Variants in DLC1 observed in about 807,000 individuals in gnomAD.
DLC1 encodes DLC1 Rho GTPase activating protein.
Under a neutral mutation model 140.3 loss-of-function variants are expected in DLC1, and 54 were observed. That is an observed-to-expected ratio of 0.38 (90% CI 0.31 to 0.48). The LOEUF is 0.48. Among genes scored for constraint, DLC1 ranks in the 20% least tolerant of loss-of-function variants. DLC1 has a pLI of 0.96. For missense variants in DLC1, 2,536 were observed against 1,907.0 expected, an observed-to-expected ratio of 1.33 and a Z score of -6.14; for synonymous variants, 986 against 728.1, an observed-to-expected ratio of 1.35 and a Z score of -5.70.
At chr8:13,259,452 A>G (rs541295697) in intron 5 of DLC1, among the ~76,000 whole-genome samples, 1 of 152,206 alleles carries the variant, frequency 6.6e-6, no homozygotes, top group Admixed American at 6.5e-5. Context: ...AGTCAATGCA[A>G]ATGATAGATC....
chr8:13,394,639 C>G (rs895196993), intron 3 of DLC1, among the ~76,000 whole-genome samples: 3 of 152,188 alleles, frequency 2.0e-5, no homozygotes, highest in African/African-American at 2.4e-5. Context: ...TTAAATATCT[C>G]TATGTATCCT....
At chr8:13,158,725 C>CA (rs1824436566) in intron 5 of DLC1, among the ~76,000 whole-genome samples, 1 of 20,974 alleles carries the variant, frequency 4.8e-5, no homozygotes, top group Non-Finnish European at 1.5e-4. Context: ...TGTTCACAAC[C>CA]ACCACCCTCC....
At chr8:13,397,848 C>T (rs903510048) in intron 3 of DLC1, among the ~76,000 whole-genome samples, 4 of 151,608 alleles carry the variant, frequency 2.6e-5, no homozygotes, top group African/African-American at 9.7e-5. Flanking sequence ...AGAACAAGAC[C>T]TTGGCCAGGT....
At chr8:13,421,118 C>T (rs289602) in intron 2 of DLC1, among the ~76,000 whole-genome samples, 147,729 of 152,258 alleles carry the variant, frequency 0.97, 71,823 homozygotes, top group Middle Eastern at 1. Flanking sequence ...GAAAAAGACA[C>T]CATTTTTAAG....
intron 1 of DLC1, among the ~76,000 whole-genome samples, chr8:13,555,814 T>A (rs1179257775): frequency 6.6e-6 from 1 of 152,118 alleles, no homozygotes; most frequent in Non-Finnish European, 1.5e-5. Flanking sequence ...GTAGCATTTT[T>A]TTTTTTAAAT....
chr8:13,201,531 A>G (rs1313993157), intron 5 of DLC1, among the ~76,000 whole-genome samples: 1 of 152,186 alleles, frequency 6.6e-6, no homozygotes, highest in Non-Finnish European at 1.5e-5. Context: ...AGAATTTGTT[A>G]GAGAAGAAAA....
chr8:13,410,451 C>T (rs748295773), intron 2 of DLC1, among the ~76,000 whole-genome samples: 2 of 151,902 alleles, frequency 1.3e-5, no homozygotes, highest in Non-Finnish European at 2.9e-5. Flanking sequence ...CCTCAAAAAT[C>T]CAAGAGAATA....
At chr8:13,468,006 T>C (rs1800018850) in intron 2 of DLC1, among the ~76,000 whole-genome samples, 1 of 152,188 alleles carries the variant, frequency 6.6e-6, no homozygotes, top group Non-Finnish European at 1.5e-5. Flanking sequence ...ATGACTGACA[T>C]TCGTTCTTTT....
At chr8:13,383,497 TG>T (rs774558117) in intron 4 of DLC1, among the ~76,000 whole-genome samples, 1 of 152,216 alleles carries the variant, frequency 6.6e-6, no homozygotes, top group Non-Finnish European at 1.5e-5. Context: ...TGCTATCTTT[TG>T]GGGGCCATTT....
At chr8:13,553,078 C>CAA (rs1803917592) in intron 1 of DLC1, among the ~76,000 whole-genome samples, 1 of 150,992 alleles carries the variant, frequency 6.6e-6, no homozygotes, top group East Asian at 2.0e-4. Context: ...CAATAGTTAT[C>CAA]AACACACAGA....
At chr8:13,343,703 C>T (rs371321918) in intron 4 of DLC1, among the ~76,000 whole-genome samples, 1 of 152,096 alleles carries the variant, frequency 6.6e-6, no homozygotes, top group Non-Finnish European at 1.5e-5. Context: ...TATTCCAAAG[C>T]CTGTCCTCTT....
At chr8:13,397,662 C>G (rs1837108748) in intron 3 of DLC1, among the ~76,000 whole-genome samples, 1 of 135,636 alleles carries the variant, frequency 7.4e-6, no homozygotes, top group Non-Finnish European at 1.6e-5. Flanking sequence ...AACCCCATCT[C>G]TACAAAAATT....
intron 2 of DLC1, among the ~76,000 whole-genome samples, chr8:13,409,232 C>T (rs570208536): frequency 6.6e-6 from 1 of 152,064 alleles, no homozygotes; most frequent in South Asian, 2.1e-4. Context: ...GTATATAATA[C>T]ATAAATAATC....
In DLC1 at chr8:13,499,414, C is replaced by G. The variant is rs775552292; in HGVS notation, c.658G>C (p.Ala220Pro). Residue 220 changes from alanine to proline, a missense_variant, in exon 2 of 18, where the codon GCA becomes CCA. Ala to Pro is a conservative substitution (Grantham distance 27). Coordinates refer to ENST00000276297, the MANE Select transcript of DLC1 (RefSeq NM_182643.3). ...GAGTTAAGCAATTGTTTCTCAGGTG[C>G]AATATCTTTCACGTTCAAAGTATCC... ...AVDTLNVKDIAPEKQLLNSAV... is the reference protein window; with the variant it reads ...AVDTLNVKDIPPEKQLLNSAV... 1 of 1,613,770 alleles carries G rather than the reference C, an allele frequency of 6.2e-7. No individual in the cohort carries two copies. Among genetic ancestry groups the G allele is most frequent in the African/African-American group, 1.3e-5 (1 of 74,944 alleles).
intron 5 of DLC1, among the ~76,000 whole-genome samples, chr8:13,261,028 C>T (rs6991346): frequency 0.72 from 109,579 of 152,158 alleles, 39,852 homozygotes; most frequent in East Asian, 0.92. Flanking sequence ...TCAACAAAGA[C>T]TAATGTGTCA....
At chr8:13,124,562 C>T (rs1821393835) in intron 5 of DLC1, among the ~76,000 whole-genome samples, 1 of 152,126 alleles carries the variant, frequency 6.6e-6, no homozygotes, top group Non-Finnish European at 1.5e-5. Context: ...ACCTGGGTGC[C>T]CTGGAGTCCT....
At chr8:13,592,601 A>AT (rs2117477103) in intron 1 of DLC1, among the ~76,000 whole-genome samples, 1 of 152,156 alleles carries the variant, frequency 6.6e-6, no homozygotes, top group South Asian at 2.1e-4. Context: ...CTGAGCAGCC[A>AT]TTTGTTGAAA....
intron 1 of DLC1, among the ~76,000 whole-genome samples, chr8:13,592,163 T>C (rs754719323): frequency 2.5e-4 from 38 of 152,040 alleles, no homozygotes; most frequent in Non-Finnish European, 4.4e-4. Flanking sequence ...AAGAGCAGCT[T>C]TATTGGGCAA....
At chr8:13,153,701 C>T (rs968975044) in intron 5 of DLC1, among the ~76,000 whole-genome samples, 4 of 152,048 alleles carry the variant, frequency 2.6e-5, no homozygotes, top group Non-Finnish European at 4.4e-5. Flanking sequence ...GGTAAAAGTT[C>T]TCCAAGTCCC....
Sources: gnomAD v4.1 joint callset for allele counts (sites outside exome capture counted in the v4.1 genomes callset) on GRCh38, gnomAD v4.1.1 for gene constraint, MANE v1.5 for transcripts, NCBI Gene and HGNC (gene_info 2026-07-23, HGNC 2026-07-21) for gene names.